Variants in SNX8 observed in about 807,000 individuals in gnomAD.
SNX8 encodes sorting nexin 8, also known as sorting nexin-8.
A neutral mutation model predicts 51.6 loss-of-function variants in SNX8; 25 were observed. The ratio of observed to expected loss-of-function variants is 0.48; its 90% CI spans 0.35 to 0.68. The LOEUF is 0.68. Ranked by LOEUF, SNX8 falls within the 30% of genes least tolerant of loss-of-function variation. SNX8 has a pLI of 0.00. For missense variants in SNX8, 695 were observed against 624.0 expected, an observed-to-expected ratio of 1.11 and a Z score of -1.21; for synonymous variants, 324 against 277.0, an observed-to-expected ratio of 1.17 and a Z score of -1.68.
intron 1 of SNX8, among the ~76,000 whole-genome samples, chr7:2,279,927 T>C (rs942423454): frequency 6.6e-6 from 1 of 152,220 alleles, no homozygotes; most frequent in African/African-American, 2.4e-5. Context: ...TCCTTTTCTC[T>C]AGAGCCAAGA....
At chr7:2,272,163 A>G (rs1009173508) in intron 3 of SNX8, among the ~76,000 whole-genome samples, 192 bp from the exon 4 acceptor site, 16 of 152,098 alleles carry the variant, frequency 1.1e-4, no homozygotes, top group Non-Finnish European at 1.5e-4. Context: ...CCTCACCCCC[A>G]GAGGCCCCCT....
intron 10 of SNX8, among the ~76,000 whole-genome samples, chr7:2,255,870 C>T (rs1795164985): frequency 6.6e-6 from 1 of 152,158 alleles, no homozygotes; most frequent in Non-Finnish European, 1.5e-5. Flanking sequence ...AGGCAGGGGT[C>T]AGGCCAAGAC....
intron 1 of SNX8, among the ~76,000 whole-genome samples, chr7:2,340,237 A>G (rs1001078492): frequency 6.7e-6 from 1 of 150,116 alleles, no homozygotes; most frequent in East Asian, 2.0e-4. Context: ...TAATTTTCAT[A>G]ATTTTTTTTT....
At chr7:2,261,207 C>T (rs1256815819) in intron 7 of SNX8, among the ~76,000 whole-genome samples, 3 of 152,140 alleles carry the variant, frequency 2.0e-5, no homozygotes, top group East Asian at 1.9e-4. Context: ...CCGAGGCTGG[C>T]GGATCACTTG....
intron 1 of SNX8, among the ~76,000 whole-genome samples, chr7:2,279,640 C>T (rs990786416): frequency 1.3e-5 from 2 of 151,816 alleles, no homozygotes; most frequent in African/African-American, 2.4e-5. Flanking sequence ...ATTTTGCAGT[C>T]CCAGCTACTC....
intron 1 of SNX8, among the ~76,000 whole-genome samples, chr7:2,329,881 G>A (rs1158709651): frequency 6.6e-6 from 1 of 151,044 alleles, no homozygotes; most frequent in Non-Finnish European, 1.5e-5. Context: ...AGGCTGGAGT[G>A]CAGTGGTGCG....
At chr7:2,332,738 AG>A (rs1465459571) in intron 1 of SNX8, among the ~76,000 whole-genome samples, 6 of 128,650 alleles carry the variant, frequency 4.7e-5, no homozygotes, top group African/African-American at 8.8e-5. Context: ...AGAGAGAGAG[AG>A]AGAAAAGGAA....
intron 1 of SNX8, among the ~76,000 whole-genome samples, chr7:2,309,566 T>C (rs1796618930): frequency 6.6e-6 from 1 of 151,594 alleles, no homozygotes; most frequent in Non-Finnish European, 1.5e-5. Context: ...ACCCCGTCTC[T>C]ACTGAAAATA....
intron 1 of SNX8, among the ~76,000 whole-genome samples, chr7:2,301,201 G>A (rs1235290116): frequency 1.3e-5 from 2 of 152,180 alleles, no homozygotes; most frequent in Admixed American, 1.3e-4. Flanking sequence ...CCATGCCTAC[G>A]AATGGCTGCT....
At chr7:2,314,194 G>C (rs1562454222) in intron 1 of SNX8, 134 bp downstream of exon 1, 1 of 954,074 alleles carries the variant, frequency 1.0e-6, no homozygotes, top group Non-Finnish European at 1.3e-6. Flanking sequence ...AGGGACTGGG[G>C]CGTGGGGCCG....
At chr7:2,338,190 C>T (rs1455976019) in intron 1 of SNX8, among the ~76,000 whole-genome samples, 2 of 151,942 alleles carry the variant, frequency 1.3e-5, no homozygotes, top group East Asian at 3.9e-4. Flanking sequence ...TGGCCAGGCG[C>T]GGTGGCTCAC....
intron 1 of SNX8, among the ~76,000 whole-genome samples, chr7:2,297,058 A>G (rs1040882333): frequency 6.6e-6 from 1 of 152,074 alleles, no homozygotes; most frequent in African/African-American, 2.4e-5. Context: ...CAGAATGGCT[A>G]TTATTAAAAA....
intron 1 of SNX8, among the ~76,000 whole-genome samples, chr7:2,346,608 T>C (rs1035816749): frequency 7.7e-4 from 117 of 151,152 alleles, no homozygotes; most frequent in African/African-American, 2.8e-3. Context: ...TAGCCGGGCG[T>C]GGTGGTGGGC....
chr7:2,309,731 C>CA (rs973442450), intron 1 of SNX8: 12,226 of 360,476 alleles, frequency 0.034, no homozygotes, highest in South Asian at 0.046. Context: ...GACTCCATCT[C>CA]AAAAAAAAAA....
At chr7:2,330,761 T>A (rs781482206) in intron 1 of SNX8, among the ~76,000 whole-genome samples, 1 of 152,066 alleles carries the variant, frequency 6.6e-6, no homozygotes, top group Non-Finnish European at 1.5e-5. Context: ...CCCTCTGTGT[T>A]GACTGCTGTG....
chr7:2,330,313 T>C (rs1255577962), intron 1 of SNX8, among the ~76,000 whole-genome samples: 2 of 151,402 alleles, frequency 1.3e-5, no homozygotes, highest in East Asian at 3.9e-4. Context: ...AATTTTTGTA[T>C]TTTTAGTAGA....
chr7:2,297,095 G>A (rs571257949), intron 1 of SNX8, among the ~76,000 whole-genome samples: 79 of 152,092 alleles, frequency 5.2e-4, no homozygotes, highest in Non-Finnish European at 9.6e-4. Context: ...TGTTGGCGTA[G>A]ATGTGGTACA....
rs374946324 is a variant in SNX8, at chr7:2,269,601, G to A, written c.579C>T (p.Val193=). The A allele has an allele frequency of 6.1e-5, 98 of 1,598,544 alleles. No individual in the cohort carries two copies. The African/African-American group carries it at 7.2e-4, about 12-fold the overall frequency. The change falls in exon 5 of 11, where the codon GTC becomes GTT. Residue 193 remains valine (V), a synonymous_variant. Coordinates refer to ENST00000222990, the MANE Select transcript of SNX8 (RefSeq NM_013321.4). ...GCTTACAGTTCAGGAATTCGTCCCC[G>A]ACGCACTGTGCTGACTCCTTTAACT... ...QNKLKESAQC[V]GDEFLNCKLA... is the part of the protein sequence containing the mutation.
intron 7 of SNX8, among the ~76,000 whole-genome samples, chr7:2,260,309 GCTGGTCTCAAA>G (rs1795305536): frequency 6.6e-6 from 1 of 152,136 alleles, no homozygotes; most frequent in Non-Finnish European, 1.5e-5. Flanking sequence ...TGTTGGCCAG[GCTGGTCTCAAA>G]CTCCTGACCT....
Sources: allele counts gnomAD v4.1 joint callset (sites outside exome capture counted in the v4.1 genomes callset), GRCh38; gene constraint gnomAD v4.1.1; transcripts MANE v1.5; gene names NCBI Gene and HGNC (gene_info 2026-07-23, HGNC 2026-07-21).